Variants in SBNO2 observed in about 807,000 individuals in gnomAD.
The protein encoded by SBNO2 is strawberry notch homolog 2, also known as protein strawberry notch homolog 2.
In SBNO2, 89 loss-of-function variants were observed where a neutral mutation model predicts 146.3. That is an observed-to-expected ratio of 0.61 (90% CI 0.51 to 0.73). The LOEUF is 0.73. Among genes scored for constraint, SBNO2 ranks in the 30% least tolerant of loss-of-function variants. The probability of loss-of-function intolerance (pLI) is 0.00; values close to 1 mark genes in which losing one functional copy is unlikely to be tolerated. For synonymous variants in SBNO2, 1,147 were observed against 892.6 expected, an observed-to-expected ratio of 1.29 and a Z score of -5.08; for missense variants, 2,092 against 2,003.7, an observed-to-expected ratio of 1.04 and a Z score of -0.84.
chr19:1,153,140 T>C (rs75236135), intron 2 of SBNO2, among the ~76,000 whole-genome samples: 7,837 of 150,556 alleles, frequency 0.052, 370 homozygotes, highest in East Asian at 0.25. Context: ...GGCAACAGAG[T>C]GAAACCGTGT....
chr19:1,140,756 C>T lies in SBNO2; in HGVS notation c.279+6553G>A, dbSNP rs906864657. ...TCCCACGGGCAGAGGCTGCTGACCC[C>T]GCCTTGGGCAGGACCAGCCTCTGCT... On this transcript the variant is annotated intron_variant, in intron 4 of 31. Transcript: ENST00000361757. The surrounding 1 kb of genome is among the most constrained non-coding windows in gnomAD (Gnocchi z 4.4). Among the ~76,000 whole-genome samples the T allele has an allele frequency of 2.6e-5, 4 of 152,178 alleles. No individual in the cohort carries two copies. The highest frequency in any genetic ancestry group is 2.1e-4 in the South Asian group (1 of 4,834).
intron 3 of SBNO2, 112 bp from the exon 4 acceptor site, chr19:1,147,532 G>A (rs560472661): frequency 5.0e-6 from 3 of 596,750 alleles, no homozygotes; most frequent in East Asian, 3.3e-5. Context: ...CCCCACTGGA[G>A]TGTGCCCAGC....
Position 1,109,661 on chromosome 19 carries a change from G to A in SBNO2, c.3123+22C>T, listed in dbSNP as rs745314887. 3 of 1,605,840 alleles carry A rather than the reference G, an allele frequency of 1.9e-6. No homozygotes were observed. Among genetic ancestry groups the A allele is most frequent in the African/African-American group, 1.3e-5 (1 of 74,726 alleles). ...GGGGCGGGGTGGGCAGAGTGTGAGG[G>A]GCTGTGGGGCTTCCTGCTGACCTTG... On this transcript the variant is annotated intron_variant, in intron 27 of 31. Coordinates refer to ENST00000361757, the MANE Select transcript of SBNO2 (RefSeq NM_014963.3). This position sits in a 1 kb window ranked among gnomAD's most constrained non-coding sequence, Gnocchi z 4.2.
chr19:1,154,698 G>C (rs1191855713), intron 1 of SBNO2, among the ~76,000 whole-genome samples: 3 of 152,224 alleles, frequency 2.0e-5, no homozygotes, highest in Non-Finnish European at 4.4e-5. Context: ...CGTAGGACCA[G>C]GCACCCAGAC....
At chr19:1,116,792 A>C in intron 16 of SBNO2, 37 bp downstream of exon 16, 1 of 1,523,864 alleles carries the variant, frequency 6.6e-7, no homozygotes, top group Non-Finnish European at 8.9e-7. Context: ...CCATGAGCGC[A>C]GGAAGCCCAC....
chr19:1,167,564 G>A (rs776831540), intron 1 of SBNO2, among the ~76,000 whole-genome samples: 3 of 152,216 alleles, frequency 2.0e-5, no homozygotes, highest in Non-Finnish European at 4.4e-5. Context: ...GCAGGGCAAG[G>A]TCCCTCTTAG....
At chr19:1,132,136 GT>G (rs1239223610) in intron 4 of SBNO2, 30 of 1,509,700 alleles carry the variant, frequency 2.0e-5, no homozygotes, top group Non-Finnish European at 2.6e-5. Flanking sequence ...CTGGGACATG[GT>G]CCCGGCGCTC....
intron 4 of SBNO2, among the ~76,000 whole-genome samples, chr19:1,141,987 G>A (rs564507398): frequency 2.1e-5 from 3 of 142,234 alleles, no homozygotes; most frequent in African/African-American, 5.2e-5. Context: ...GGCCCTACTC[G>A]GAGTCTGTGA....
intron 1 of SBNO2, among the ~76,000 whole-genome samples, chr19:1,166,642 C>A (rs2080428760): frequency 6.6e-6 from 1 of 152,074 alleles, no homozygotes; most frequent in Non-Finnish European, 1.5e-5. Flanking sequence ...CACACACACA[C>A]ACACACACGC....
chr19:1,163,211 G>A (rs891151625), intron 1 of SBNO2, among the ~76,000 whole-genome samples: 3 of 152,198 alleles, frequency 2.0e-5, no homozygotes, highest in Non-Finnish European at 4.4e-5. Context: ...ATGCTGGAGG[G>A]GGTGGTCTGT....
chr19:1,112,863 G>T lies in SBNO2; in HGVS notation c.2334C>A (p.Asp778Glu). ...GCTGCTTCTCCCTGAGGTTCACGTG[G>T]TCGATGGACAGACCCTGCTCTGCCC... ...ESRAEQGLSI[D>E]HVNLREKQRF... is the part of the protein sequence containing the mutation. The change falls in exon 20 of 32, where the codon GAC (aspartate) becomes GAA (glutamate). Residue 778 changes from aspartate to glutamate, a missense_variant. Physicochemically the swap from Asp to Glu is conservative, Grantham distance 45. Coordinates refer to ENST00000361757, the MANE Select transcript of SBNO2 (RefSeq NM_014963.3). This position sits in a 1 kb window ranked among gnomAD's most constrained non-coding sequence, Gnocchi z 5.9. 1 of 1,576,070 alleles carries T rather than the reference G, an allele frequency of 6.3e-7. No individual in the cohort carries two copies. The highest frequency in any genetic ancestry group is 8.6e-7 in the Non-Finnish European group (1 of 1,162,562).
chr19:1,154,060 G>A (rs979546320), intron 2 of SBNO2, 124 bp downstream of exon 2: 46 of 440,778 alleles, frequency 1.0e-4, no homozygotes, highest in African/African-American at 8.3e-4. Flanking sequence ...GGCCAGGAAG[G>A]TCAGGTGGAG....
chr19:1,125,741 G>A (rs554376410), intron 5 of SBNO2, among the ~76,000 whole-genome samples: 2 of 152,142 alleles, frequency 1.3e-5, no homozygotes, highest in Admixed American at 6.5e-5. Flanking sequence ...CGTGGCTCAG[G>A]CCTGTGGGAG....
intron 1 of SBNO2, among the ~76,000 whole-genome samples, chr19:1,168,345 C>T (rs536182703): frequency 7.2e-5 from 11 of 152,284 alleles, no homozygotes; most frequent in East Asian, 1.9e-4. Context: ...CAGCCACACC[C>T]GGGCAACACC....
At chr19:1,114,511 G>C (rs2145200699) in intron 17 of SBNO2, 89 bp from the exon 18 acceptor site, 1 of 1,165,860 alleles carries the variant, frequency 8.6e-7, no homozygotes, top group Admixed American at 2.9e-5. Flanking sequence ...AGCAAGGCCA[G>C]TGGTCCGAGC....
intron 4 of SBNO2, among the ~76,000 whole-genome samples, chr19:1,142,046 C>CCCT (rs1555724932): frequency 9.3e-5 from 11 of 118,516 alleles, no homozygotes; most frequent in African/African-American, 3.0e-4. Flanking sequence ...TCAATGACCT[C>CCCT]CCTCACGATC....
In SBNO2 at chr19:1,108,827, A is replaced by G; in HGVS notation, c.3568T>C (p.Tyr1190His). The G allele has an allele frequency of 1.9e-6, 3 of 1,602,336 alleles. No homozygotes were observed. ...GTCTTCAGCCGCACGATCTGCAGGTAGCTGCTGCTGCTGACGTCGGCCATG... is the reference window on the plus strand; with the variant it reads ...GTCTTCAGCCGCACGATCTGCAGGTGGCTGCTGCTGCTGACGTCGGCCATG... The part of the protein sequence containing the change: ...AVMADVSSSS[Y>H]LQIVRLKTKD... Residue 1190 changes from tyrosine to histidine, a missense_variant, in exon 31 of 32, where the codon TAC (tyrosine) becomes CAC (histidine). Coordinates refer to ENST00000361757, the MANE Select transcript of SBNO2 (RefSeq NM_014963.3).
chr19:1,141,974 A>T (rs989906659), intron 4 of SBNO2, among the ~76,000 whole-genome samples: 1 of 149,744 alleles, frequency 6.7e-6, no homozygotes, highest in South Asian at 2.1e-4. Flanking sequence ...TCCCAGGCAC[A>T]GTGGCCCTAC....
intron 4 of SBNO2, chr19:1,132,365 C>T (rs911948869): frequency 2.9e-5 from 34 of 1,153,920 alleles, no homozygotes; most frequent in African/African-American, 1.3e-4. Flanking sequence ...GGGCAATTAC[C>T]GGCAGTGCGA....
Sources: gnomAD v4.1 joint callset for allele counts (sites outside exome capture counted in the v4.1 genomes callset) on GRCh38, gnomAD v4.1.1 for gene constraint, Gnocchi (gnomAD v3.1) non-coding constraint, MANE v1.5 for transcripts, NCBI Gene and HGNC (gene_info 2026-07-23, HGNC 2026-07-21) for gene names.